The following CPNE8 variants were observed in gnomAD, a reference collection of about 807,000 sequenced individuals.
CPNE8 encodes copine 8, also known as copine-8.
CPNE8 carries 45 observed loss-of-function variants against 81.5 expected under a neutral mutation model. The ratio of observed to expected loss-of-function variants is 0.55; its 90% confidence interval spans 0.44 to 0.71. The LOEUF (loss-of-function observed/expected upper bound fraction) is 0.71, where lower values mean the gene tolerates loss of function less well. Among genes scored for constraint, CPNE8 ranks in the 30% least tolerant of loss-of-function variants. The probability of loss-of-function intolerance (pLI) is 0.00; values close to 1 mark genes in which losing one functional copy is unlikely to be tolerated. For synonymous variants in CPNE8, 252 were observed against 226.3 expected (o/e 1.11, Z -1.02); for missense variants, 594 against 672.1 (o/e 0.88, Z 1.28).
intron 6 of CPNE8, among the ~76,000 whole-genome samples, chr12:38,810,485 T>C (rs1942912892): frequency 6.6e-6 from 1 of 152,096 alleles, no homozygotes; most frequent in Admixed American, 6.5e-5. Context: ...TCTTCGGCCA[T>C]TTGGGTAAGC....
chr12:38,817,265 A>C (rs1012543504), intron 6 of CPNE8, among the ~76,000 whole-genome samples: 3 of 152,232 alleles, frequency 2.0e-5, no homozygotes, highest in Non-Finnish European at 4.4e-5. Flanking sequence ...TTTTCCAAAT[A>C]AGGGGAAAAA....
At chr12:38,808,128 A>C (rs1184411167) in intron 6 of CPNE8, among the ~76,000 whole-genome samples, 1 of 152,054 alleles carries the variant, frequency 6.6e-6, no homozygotes. Context: ...GATGTGGAGA[A>C]ATAGGAACAC....
intron 6 of CPNE8, among the ~76,000 whole-genome samples, chr12:38,784,901 A>C (rs773977037): frequency 6.6e-6 from 1 of 152,126 alleles, no homozygotes; most frequent in Non-Finnish European, 1.5e-5. Context: ...CAAATCAGAA[A>C]GAAAAGGACC....
chr12:38,845,319 G>C (rs865782637), intron 4 of CPNE8, among the ~76,000 whole-genome samples: 4 of 152,066 alleles, frequency 2.6e-5, no homozygotes, highest in South Asian at 2.1e-4. Context: ...AACCATTCTG[G>C]TACGTGTGTG....
At chr12:38,807,159 G>A (rs1463538969) in intron 6 of CPNE8, among the ~76,000 whole-genome samples, 2 of 151,702 alleles carry the variant, frequency 1.3e-5, no homozygotes, top group Non-Finnish European at 2.9e-5. Context: ...TCAATATCGT[G>A]AAAATGGCCA....
At chr12:38,903,791 TAA>T (rs1944524020) in intron 1 of CPNE8, among the ~76,000 whole-genome samples, 1 of 152,210 alleles carries the variant, frequency 6.6e-6, no homozygotes, top group Admixed American at 6.5e-5. Flanking sequence ...AGGAATCCTC[TAA>T]AGAGTTTTCC....
chr12:38,702,841 A>C, intron 14 of CPNE8, 34 bp downstream of exon 14: 1 of 1,314,020 alleles, frequency 7.6e-7, no homozygotes, highest in Non-Finnish European at 1.1e-6. Flanking sequence ...GTAATTGCTG[A>C]TGATTTTTAT....
intron 13 of CPNE8, among the ~76,000 whole-genome samples, chr12:38,721,640 G>T (rs545635049): frequency 1.5e-4 from 23 of 152,340 alleles, no homozygotes; most frequent in Non-Finnish European, 2.9e-4. Context: ...AAGCAGGGCT[G>T]AAACCTGCCC....
chr12:38,778,358 C>A (rs1304248262), intron 6 of CPNE8, among the ~76,000 whole-genome samples: 2 of 152,138 alleles, frequency 1.3e-5, no homozygotes, highest in Non-Finnish European at 2.9e-5. Context: ...CTAAGTAGTG[C>A]ATGACTATAG....
chr12:38,826,381 T>A (rs1943191711), intron 6 of CPNE8, among the ~76,000 whole-genome samples: 1 of 152,240 alleles, frequency 6.6e-6, no homozygotes, highest in Admixed American at 6.5e-5. Flanking sequence ...CAGCATGTGG[T>A]TACTGTAGAT....
chr12:38,775,527 T>G (rs1941913518), intron 7 of CPNE8, among the ~76,000 whole-genome samples: 1 of 152,182 alleles, frequency 6.6e-6, no homozygotes, highest in South Asian at 2.1e-4. Flanking sequence ...CCCAGAGATC[T>G]GCTGGCCCAC....
intron 3 of CPNE8, among the ~76,000 whole-genome samples, chr12:38,871,583 G>A (rs1056312181): frequency 1.3e-5 from 2 of 152,138 alleles, no homozygotes; most frequent in Non-Finnish European, 2.9e-5. Context: ...GCAACAGGGA[G>A]GACAAAAGAG....
chr12:38,796,638 T>C (rs1315679814), intron 6 of CPNE8, among the ~76,000 whole-genome samples: 2 of 152,158 alleles, frequency 1.3e-5, no homozygotes, highest in African/African-American at 4.8e-5. Context: ...GGGGGATTTC[T>C]GCATTTCCAT....
At chr12:38,893,669 C>T (rs983249071) in intron 1 of CPNE8, among the ~76,000 whole-genome samples, 1 of 152,182 alleles carries the variant, frequency 6.6e-6, no homozygotes, top group African/African-American at 2.4e-5. Context: ...TTCACGAGAT[C>T]CAAGAACCCT....
chr12:38,692,044 C>A (rs1454830926), intron 15 of CPNE8, among the ~76,000 whole-genome samples: 1 of 152,130 alleles, frequency 6.6e-6, no homozygotes, highest in Non-Finnish European at 1.5e-5. Context: ...GCAGTCCCAG[C>A]ACTTTGGGAG....
intron 10 of CPNE8, among the ~76,000 whole-genome samples, chr12:38,740,061 T>A (rs1182530787): frequency 6.6e-6 from 1 of 152,212 alleles, no homozygotes; most frequent in South Asian, 2.1e-4. Flanking sequence ...TATTTTTCTA[T>A]AGATCTAAAC....
intron 1 of CPNE8, among the ~76,000 whole-genome samples, chr12:38,888,282 C>T (rs1207468773): frequency 6.6e-6 from 1 of 152,204 alleles, no homozygotes; most frequent in African/African-American, 2.4e-5. Flanking sequence ...AACATTTCAA[C>T]ATTTCAAAAG....
chr12:38,683,933 T>C (rs1939469902), intron 16 of CPNE8, among the ~76,000 whole-genome samples: 1 of 152,084 alleles, frequency 6.6e-6, no homozygotes, highest in Non-Finnish European at 1.5e-5. Flanking sequence ...TATATAGAAA[T>C]GCACCTAGAT....
chr12:38,816,983 C>A (rs1337130517), intron 6 of CPNE8, among the ~76,000 whole-genome samples: 1 of 152,154 alleles, frequency 6.6e-6, no homozygotes, highest in African/African-American at 2.4e-5. Context: ...GATGCCACAG[C>A]CCAATCAAGG....
Sources: allele counts gnomAD v4.1 joint callset (sites outside exome capture counted in the v4.1 genomes callset), GRCh38; gene constraint gnomAD v4.1.1; transcripts MANE v1.5; gene names NCBI Gene and HGNC (gene_info 2026-07-23, HGNC 2026-07-21).